Variants in CYFIP1 observed in about 807,000 individuals in gnomAD.
CYFIP1 encodes the protein cytoplasmic FMR1 interacting protein 1.
A neutral mutation model predicts 163.5 loss-of-function variants in CYFIP1; 58 were observed. That is an observed-to-expected ratio of 0.35 (90% CI 0.29 to 0.44). The LOEUF (loss-of-function observed/expected upper bound fraction) is 0.44, where lower values mean the gene tolerates loss of function less well. Among genes scored for constraint, CYFIP1 ranks in the 20% least tolerant of loss-of-function variants. The pLI is 1.00. For synonymous variants in CYFIP1, 663 were observed against 660.7 expected, an observed-to-expected ratio of 1.00 and a Z score of -0.05; for missense variants, 1,338 against 1,653.8, an observed-to-expected ratio of 0.81 and a Z score of 3.31.
At chr15:22,963,341 T>C (rs2062753819) in intron 1 of CYFIP1, among the ~76,000 whole-genome samples, 1 of 151,906 alleles carries the variant, frequency 6.6e-6, no homozygotes, top group African/African-American at 2.4e-5. Flanking sequence ...AAATACAGAA[T>C]TAGATGGGCG....
chr15:22,911,849 G>A (rs12906343), intron 18 of CYFIP1, among the ~76,000 whole-genome samples: 28,731 of 152,144 alleles, frequency 0.19, 2,919 homozygotes, highest in Admixed American at 0.28. Flanking sequence ...AACATGCCAG[G>A]GAGTGCAGCA....
At chr15:22,976,987 G>A (rs949326244) in intron 1 of CYFIP1, among the ~76,000 whole-genome samples, 1 of 152,252 alleles carries the variant, frequency 6.6e-6, no homozygotes, top group African/African-American at 2.4e-5. Flanking sequence ...ATCACCTGAG[G>A]TTGGGAGTTC....
chr15:22,976,391 T>TAA (rs2063281404), intron 1 of CYFIP1, among the ~76,000 whole-genome samples: 1 of 152,088 alleles, frequency 6.6e-6, no homozygotes, highest in Non-Finnish European at 1.5e-5. Flanking sequence ...CTCCTGCCCT[T>TAA]GTGATCCGCC....
At chr15:22,954,305 G>C (rs998548114) in intron 1 of CYFIP1, among the ~76,000 whole-genome samples, 2 of 152,184 alleles carry the variant, frequency 1.3e-5, no homozygotes, top group African/African-American at 2.4e-5. Context: ...ATTCCTGCCT[G>C]ATCTGTGGTG....
At chr15:22,890,814 G>A (rs984995445) in intron 23 of CYFIP1, among the ~76,000 whole-genome samples, 2 of 149,608 alleles carry the variant, frequency 1.3e-5, no homozygotes, top group African/African-American at 4.9e-5. Flanking sequence ...TCGAGAACAC[G>A]AACAGAGACA....
At chr15:22,904,199 C>T (rs953528284) in intron 21 of CYFIP1, 4 of 486,308 alleles carry the variant, frequency 8.2e-6, no homozygotes, top group Middle Eastern at 1.2e-3. Flanking sequence ...TGCCACCCTT[C>T]CCCCCATGTG....
chr15:22,938,564 C>T (rs917223988), intron 8 of CYFIP1, among the ~76,000 whole-genome samples: 17 of 151,654 alleles, frequency 1.1e-4, no homozygotes, highest in Non-Finnish European at 2.4e-4. Context: ...GTGTCCGCAC[C>T]ATTGCACTGG....
In CYFIP1 at chr15:22,867,104, C is replaced by T. The variant is rs189333520; in HGVS notation, c.*2924G>A. ...AGTATTTTACATTTTCATCCCTTCT[C>T]CAAAAGCCGAATGCACTAATGACAG... On this transcript the variant is annotated 3_prime_UTR_variant, in exon 31 of 31. Transcript: ENST00000617928. The T allele has an allele frequency of 3.3e-4, 161 of 485,096 alleles. 1 individual carries two copies. The highest frequency in any genetic ancestry group is 5.6e-4 in the Non-Finnish European group (155 of 278,408). The allele number at this position is 485,096 out of a possible 1,614,324, so 30.0% of individuals were successfully genotyped here. A position where few individuals can be genotyped will look rare whatever the true frequency, so the allele number is the denominator to read the frequency against.
intron 21 of CYFIP1, chr15:22,904,470 A>G (rs2060506057): frequency 6.2e-6 from 1 of 160,888 alleles, no homozygotes; most frequent in Non-Finnish European, 1.4e-5. Flanking sequence ...TACATGAGAC[A>G]CCAGATTTCA....
rs776616152 is a variant in CYFIP1 at position 22,914,829 on chromosome 15, G to C, written c.1882C>G (p.Leu628Val). The C allele has an allele frequency of 1.2e-6, 2 of 1,613,638 alleles. No individual in the cohort carries two copies. Among genetic ancestry groups the C allele is most frequent in the Admixed American group, 3.3e-5 (2 of 59,990 alleles). Residue 628 changes from leucine (L) to valine (V), a missense_variant, in exon 17 of 31, where the codon CTG becomes GTG. This residue lies in a region of CYFIP1 where 824 missense variants were observed against 995.7 expected (regional missense o/e 0.83). Coordinates refer to ENST00000617928, the MANE Select transcript of CYFIP1 (RefSeq NM_014608.6). ...ATCCTCCTGCCCATGGTCAGCTCCAGGAAGAACTCTCGGAACCACAGCTGC... is the reference window on the plus strand; with the variant it reads ...ATCCTCCTGCCCATGGTCAGCTCCACGAAGAACTCTCGGAACCACAGCTGC... ...LSQLWFREFF[L>V]ELTMGRRIQF... is the part of the protein sequence containing the mutation.
chr15:22,961,663 G>C (rs79745633), intron 1 of CYFIP1, among the ~76,000 whole-genome samples: 2 of 152,092 alleles, frequency 1.3e-5, no homozygotes, highest in Non-Finnish European at 2.9e-5. Context: ...TTACAGGAAC[G>C]AGCCACTTCC....
intron 22 of CYFIP1, among the ~76,000 whole-genome samples, chr15:22,903,351 A>G (rs921096283): frequency 1.3e-5 from 2 of 151,308 alleles, no homozygotes; most frequent in Non-Finnish European, 2.9e-5. Context: ...CAATCACATC[A>G]CTTCATGCTG....
chr15:22,979,090 A>G (rs914157615), intron 1 of CYFIP1, among the ~76,000 whole-genome samples: 1 of 152,176 alleles, frequency 6.6e-6, no homozygotes, highest in Admixed American at 6.5e-5. Flanking sequence ...GTCCTCCGCC[A>G]CGACTCCAGG....
At chr15:22,964,790 G>A (rs1035913200) in intron 1 of CYFIP1, among the ~76,000 whole-genome samples, 3 of 152,162 alleles carry the variant, frequency 2.0e-5, no homozygotes, top group African/African-American at 4.8e-5. Context: ...TCACAGAGCC[G>A]AGAAACGGCA....
At chr15:22,951,402 A>T (rs1210602431) in intron 1 of CYFIP1, 3 of 1,288,732 alleles carry the variant, frequency 2.3e-6, no homozygotes, top group South Asian at 2.5e-5. Flanking sequence ...TGCAGGGTCC[A>T]GCCCCAGCGC....
rs780946831 is a variant in CYFIP1 at position 22,910,556 on chromosome 15, G to T, written c.2232C>A (p.Asn744Lys). 1.9e-6 allele frequency: 3 copies of T among 1,614,192 alleles called. No individual in the cohort carries two copies. Among genetic ancestry groups the T allele is most frequent in the South Asian group, 1.1e-5 (1 of 91,088 alleles). Reference sequence around the variant, plus strand: ...TCTGCTTCAGCAGCGTCTCGTAGCGGTTAGACGGCGGGAGGTGGATCGTGG... The same window carrying T: ...TCTGCTTCAGCAGCGTCTCGTAGCGTTTAGACGGCGGGAGGTGGATCGTGG... ...QGATIHLPPS[N>K]RYETLLKQRH... Residue 744 changes from asparagine (N) to lysine (K), a missense_variant, in exon 20 of 31, where the codon AAC (asparagine) becomes AAA (lysine). Around this residue, in one of 4 missense-constraint regions of CYFIP1, gnomAD observed 824 missense variants for 995.7 expected, o/e 0.83. Transcript: ENST00000617928.
intron 1 of CYFIP1, among the ~76,000 whole-genome samples, chr15:22,977,815 G>C (rs952340887): frequency 6.6e-6 from 1 of 151,826 alleles, no homozygotes; most frequent in Non-Finnish European, 1.5e-5. Context: ...TGGGCAACAA[G>C]AGCAAAACCC....
chr15:22,967,264 T>G (rs1444535908), intron 1 of CYFIP1, among the ~76,000 whole-genome samples: 1 of 151,618 alleles, frequency 6.6e-6, no homozygotes, highest in Non-Finnish European at 1.5e-5. Flanking sequence ...TCTTGGAGAG[T>G]CTTCCTCAAA....
intron 22 of CYFIP1, among the ~76,000 whole-genome samples, chr15:22,894,257 C>T (rs2060162007): frequency 7.0e-6 from 1 of 142,914 alleles, no homozygotes; most frequent in Non-Finnish European, 1.5e-5. Context: ...TATGATGCCA[C>T]TTATATTACA....
Sources: gnomAD v4.1 joint callset for allele counts (sites outside exome capture counted in the v4.1 genomes callset) on GRCh38, gnomAD v4.1.1 for gene constraint, gnomAD v4.1.1 regional missense constraint, MANE v1.5 for transcripts, NCBI Gene and HGNC (gene_info 2026-07-23, HGNC 2026-07-21) for gene names.